CPAMD8: variants seen among roughly 807,000 people sequenced by gnomAD.
The protein encoded by CPAMD8 is C3 and PZP-like alpha-2-macroglobulin domain-containing protein 8.
Under a neutral mutation model 224.7 loss-of-function variants are expected in CPAMD8, and 146 were observed. The ratio of observed to expected loss-of-function variants is 0.65; its 90% CI spans 0.57 to 0.75. The LOEUF is 0.75. Ranked by LOEUF, CPAMD8 falls within the 30% of genes least tolerant of loss-of-function variation. CPAMD8 has a pLI of 0.00. For missense variants in CPAMD8, 2,301 were observed against 2,537.5 expected (o/e 0.91, Z 2.00); for synonymous variants, 966 against 1,044.6 (o/e 0.92, Z 1.45).
intron 29 of CPAMD8, among the ~76,000 whole-genome samples, chr19:16,908,521 C>G (rs2052609175): frequency 6.6e-6 from 1 of 152,126 alleles, no homozygotes; most frequent in Non-Finnish European, 1.5e-5. Flanking sequence ...GGGACCAAGT[C>G]CAGAATCTAC....
Position 16,940,724 on chromosome 19 carries a change from T to A in CPAMD8, c.2794-2278A>T, listed in dbSNP as rs1212554059. ...GCTGAGGACACCATCTCAGGCTACA[T>A]CGAGCCGTCCACCTGCCAGGATTTC... On this transcript the variant is annotated intron_variant, in intron 22 of 41. Coordinates refer to ENST00000443236, the MANE Select transcript of CPAMD8 (RefSeq NM_015692.5). Among the ~76,000 whole-genome samples the A allele has an allele frequency of 2.0e-5, 3 of 152,242 alleles. No homozygotes were observed. In the South Asian group the frequency reaches 6.2e-4, roughly 32 times the overall value.
Position 16,977,323 on chromosome 19 carries a change from C to G in CPAMD8, c.1758+45G>C, listed in dbSNP as rs757402463. ...CCTGGCCAGCACCTTGGAGAAGCCCCGATGGCCCCTGGCTGTGTCCCAGGT... is the reference window on the plus strand; with the variant it reads ...CCTGGCCAGCACCTTGGAGAAGCCCGGATGGCCCCTGGCTGTGTCCCAGGT... On this transcript the variant is annotated intron_variant, in intron 15 of 41. Coordinates refer to ENST00000443236, the MANE Select transcript of CPAMD8 (RefSeq NM_015692.5). The G allele has an allele frequency of 4.3e-5, 61 of 1,419,856 alleles. No homozygotes were observed. The Admixed American group carries it at 1.0e-3, about 24-fold the overall frequency. 88.0% of individuals were successfully genotyped at this position (1,419,856 alleles called of 1,614,324 possible). A position where few individuals can be genotyped will look rare whatever the true frequency, so the allele number is the denominator to read the frequency against.
intron 20 of CPAMD8, among the ~76,000 whole-genome samples, chr19:16,949,834 T>G (rs1471113679): frequency 1.3e-5 from 2 of 152,208 alleles, no homozygotes; most frequent in Non-Finnish European, 2.9e-5. Context: ...TCAGGGGGAC[T>G]TCCCCTTTTC....
In CPAMD8 at chr19:16,957,843, C is replaced by T. The variant is rs1338264200; in HGVS notation, c.2276+10G>A. On this transcript the variant is annotated intron_variant, in intron 19 of 41. Coordinates refer to ENST00000443236, the MANE Select transcript of CPAMD8 (RefSeq NM_015692.5). The stretch of plus-strand genomic sequence containing the variant: ...GGCAAAGTCAGCGCAGAAAAGAAAT[C>T]TTAATGTACCTGATGTTGAGACAAT... The T allele has an allele frequency of 3.7e-6, 6 of 1,614,002 alleles. No homozygotes were observed. The highest frequency in any genetic ancestry group is 5.1e-6 in the Non-Finnish European group (6 of 1,179,952).
chr19:16,898,114 G>C lies in CPAMD8; in HGVS notation c.4849-120C>G. On this transcript the variant is annotated intron_variant, in intron 37 of 41. Transcript: ENST00000443236. This position sits in a 1 kb window ranked among gnomAD's most constrained non-coding sequence, Gnocchi z 4.2. ...GACGCGTGAAACACAGAAGAAACGT[G>C]ATCCCATTTTCTTTTTTTCTTTTAC... 1 of 630,990 alleles carries C rather than the reference G, an allele frequency of 1.6e-6. No individual in the cohort carries two copies. The allele number at this position is 630,990 out of a possible 1,614,324, so 39.1% of individuals were successfully genotyped here.
chr19:16,958,836 G>A (rs566185189), intron 18 of CPAMD8, among the ~76,000 whole-genome samples: 1 of 123,416 alleles, frequency 8.1e-6, no homozygotes, highest in East Asian at 2.2e-4. Flanking sequence ...TTTCCTTCTT[G>A]TCACCCAGGC....
chr19:16,904,176 A>AGCCCCCCCCC, intron 32 of CPAMD8, 50 bp downstream of exon 32: 1 of 937,340 alleles, frequency 1.1e-6, no homozygotes. Context: ...GACTGCAGGG[A>AGCCCCCCCCC]CCCCACCCAC....
At chr19:16,985,916 GTTGT>G (rs1436125842) in intron 13 of CPAMD8, among the ~76,000 whole-genome samples, 2 of 151,992 alleles carry the variant, frequency 1.3e-5, no homozygotes, top group Non-Finnish European at 2.9e-5. Context: ...AAGTCTCATG[GTTGT>G]TTATTATATT....
At chr19:16,967,212 C>T (rs555825120) in intron 18 of CPAMD8, among the ~76,000 whole-genome samples, 2 of 152,002 alleles carry the variant, frequency 1.3e-5, no homozygotes, top group East Asian at 3.9e-4. Context: ...AGCCAGAAAC[C>T]ATCATTCTCA....
intron 23 of CPAMD8, among the ~76,000 whole-genome samples, chr19:16,935,949 A>G (rs1191230653): frequency 6.8e-6 from 1 of 146,166 alleles, no homozygotes; most frequent in African/African-American, 2.6e-5. Context: ...TTTTTTTGAG[A>G]TAGCAACTCA....
chr19:16,937,217 C>T (rs567364248), intron 23 of CPAMD8, among the ~76,000 whole-genome samples: 3 of 152,130 alleles, frequency 2.0e-5, no homozygotes, highest in African/African-American at 7.2e-5. Flanking sequence ...TCACTACAAC[C>T]TCCACCTCCT....
At chr19:17,005,556 G>C (rs1397055304) in intron 7 of CPAMD8, among the ~76,000 whole-genome samples, 1 of 152,098 alleles carries the variant, frequency 6.6e-6, no homozygotes, top group Non-Finnish European at 1.5e-5. Flanking sequence ...TTTTCACTGG[G>C]AGCCATGGAG....
At chr19:16,903,475 G>A in intron 34 of CPAMD8, 86 bp downstream of exon 34, 2 of 1,582,380 alleles carry the variant, frequency 1.3e-6, no homozygotes, top group Admixed American at 1.7e-5. Context: ...ACCCTCTGGG[G>A]GTCCCTGGGG....
At chr19:17,014,606 A>G (rs1226446983) in intron 3 of CPAMD8, among the ~76,000 whole-genome samples, 1 of 152,178 alleles carries the variant, frequency 6.6e-6, no homozygotes, top group Non-Finnish European at 1.5e-5. Context: ...CACGTCTTAC[A>G]TGGTGGCAGG....
intron 9 of CPAMD8, 96 bp downstream of exon 9, chr19:17,002,170 G>T: frequency 1.3e-6 from 1 of 781,128 alleles, no homozygotes; most frequent in Non-Finnish European, 2.2e-6. Context: ...GAGGGAGGGA[G>T]GCAGCAGAGG....
At chr19:17,012,958 G>T (rs1201675288) in intron 3 of CPAMD8, among the ~76,000 whole-genome samples, 1 of 151,586 alleles carries the variant, frequency 6.6e-6, no homozygotes, top group Non-Finnish European at 1.5e-5. Flanking sequence ...TGGGGTGGGC[G>T]GATCACCTGA....
At chr19:16,894,576 TG>T (rs1337497605) in intron 41 of CPAMD8, 2 of 429,356 alleles carry the variant, frequency 4.7e-6, no homozygotes, top group African/African-American at 2.0e-5. Flanking sequence ...CCCAACTGGA[TG>T]GGGGACACAT....
chr19:16,965,491 G>T (rs1016382286), intron 18 of CPAMD8, among the ~76,000 whole-genome samples: 3 of 152,086 alleles, frequency 2.0e-5, no homozygotes, highest in African/African-American at 7.2e-5. Context: ...GTTCTGGCCA[G>T]GGCAATCAGG....
At chr19:17,019,966 C>CTTT (rs2056910542) in intron 3 of CPAMD8, among the ~76,000 whole-genome samples, 3 of 115,920 alleles carry the variant, frequency 2.6e-5, no homozygotes, top group African/African-American at 3.3e-5. Context: ...TTTTTTTTTT[C>CTTT]TTTTCTTTTT....
Sources: allele counts gnomAD v4.1 joint callset (sites outside exome capture counted in the v4.1 genomes callset), GRCh38; gene constraint gnomAD v4.1.1; non-coding constraint Gnocchi (gnomAD v3.1); transcripts MANE v1.5; gene names NCBI Gene and HGNC (gene_info 2026-07-23, HGNC 2026-07-21).